The following FDXR variants were observed in gnomAD, a reference collection of about 807,000 sequenced individuals.
The protein encoded by FDXR is ferredoxin reductase, also known as NADPH:adrenodoxin oxidoreductase, mitochondrial.
Under a neutral mutation model 58.3 loss-of-function variants are expected in FDXR, and 38 were observed. That is an observed-to-expected ratio of 0.65 (90% CI 0.50 to 0.85). The LOEUF (loss-of-function observed/expected upper bound fraction) is 0.85, where lower values mean the gene tolerates loss of function less well. Among genes scored for constraint, FDXR ranks in the 40% least tolerant of loss-of-function variants. The pLI is 0.00. For missense variants in FDXR, 624 were observed against 671.0 expected, an observed-to-expected ratio of 0.93 and a Z score of 0.77; for synonymous variants, 275 against 273.8, an observed-to-expected ratio of 1.00 and a Z score of -0.04.
In FDXR at chr17:74,864,935, G is replaced by C. The variant is rs35102176; in HGVS notation, c.610-4C>G. 2.5e-3 allele frequency: 4,019 copies of C among 1,614,090 alleles called. 87 individuals are homozygous for C. The African/African-American group carries it at 0.045, about 18-fold the overall frequency. On this transcript the variant is annotated splice_polypyrimidine_tract_variant and splice_region_variant and intron_variant, in intron 6 of 11. Coordinates refer to ENST00000293195, the MANE Select transcript of FDXR (RefSeq NM_024417.5). ...CTGCCTTCGTGATGTCCGTTCTCTG[G>C]CACAAAAGGAGGGCCTTGGAGTCAT...
At chr17:74,870,338 G>A (rs960184452) in intron 2 of FDXR, among the ~76,000 whole-genome samples, 4 of 152,068 alleles carry the variant, frequency 2.6e-5, no homozygotes, top group African/African-American at 9.7e-5. Context: ...TCAACATGGT[G>A]AAACCCTGTC....
chr17:74,867,565 C>T (rs1901456391), intron 2 of FDXR, among the ~76,000 whole-genome samples: 1 of 152,032 alleles, frequency 6.6e-6, no homozygotes, highest in African/African-American at 2.4e-5. Flanking sequence ...GTGCCCAGGA[C>T]CATGCTCTGG....
At position 74,872,716 on chromosome 17, in the gene FDXR, C is replaced by A. The variant is rs576122846; in HGVS notation, c.79+150G>T. ...CATCTCACGCACAGATCTCCGCCCA[C>A]CCCCGTACACCACCGGGATCTCGCC... On this transcript the variant is annotated intron_variant, in intron 1 of 11. Transcript: ENST00000293195. The A allele has an allele frequency of 8.0e-6, 12 of 1,493,958 alleles. No homozygotes were observed. The African/African-American group carries it at 1.4e-4, about 17-fold the overall frequency. The allele number at this position is 1,493,958 out of a possible 1,614,324, so 92.5% of individuals were successfully genotyped here.
intron 8 of FDXR, 49 bp downstream of exon 8, chr17:74,864,431 T>C (rs1450095397): frequency 1.2e-6 from 2 of 1,607,724 alleles, no homozygotes; most frequent in Admixed American, 1.7e-5. Context: ...CTCTCTGACC[T>C]AGGCCACCCT....
chr17:74,863,751 G>T, intron 10 of FDXR, 145 bp downstream of exon 10: 1 of 988,226 alleles, frequency 1.0e-6, no homozygotes, highest in Non-Finnish European at 1.5e-6. Flanking sequence ...GCCAAGAGGA[G>T]GGCGGCACTG....
intron 2 of FDXR, chr17:74,868,290 T>C: frequency 5.1e-6 from 3 of 587,316 alleles, no homozygotes; most frequent in Non-Finnish European, 9.1e-6. Context: ...GCTCTAGCAC[T>C]AGCTGGCTCT....
chr17:74,866,295 A>T, intron 4 of FDXR, 51 bp from the exon 5 acceptor site: 2 of 1,582,512 alleles, frequency 1.3e-6, no homozygotes, highest in Middle Eastern at 3.4e-4. Flanking sequence ...ACCAGCACTG[A>T]TAGGCCGGGC....
intron 2 of FDXR, among the ~76,000 whole-genome samples, chr17:74,871,648 G>A (rs1211730832): frequency 1.3e-5 from 2 of 152,224 alleles, no homozygotes; most frequent in Non-Finnish European, 2.9e-5. Flanking sequence ...TAAAGTTACA[G>A]AAAGCGGAGG....
chr17:74,872,814 C>T, intron 1 of FDXR, 52 bp downstream of exon 1: 3 of 1,541,840 alleles, frequency 1.9e-6, no homozygotes, highest in African/African-American at 1.4e-5. Flanking sequence ...CTACTCAGCG[C>T]TCGCAGGCCT....
In FDXR at chr17:74,866,067, G is replaced by A. The variant is rs2038168697; in HGVS notation, c.507+64C>T. 1.4e-5 allele frequency: 18 copies of A among 1,266,306 alleles called. No homozygotes were observed. In the South Asian group the frequency reaches 2.1e-4, roughly 15 times the overall value. 78.4% of individuals were successfully genotyped at this position (1,266,306 alleles called of 1,614,324 possible). A position where few individuals can be genotyped will look rare whatever the true frequency, so the allele number is the denominator to read the frequency against. ...TGGATGGCAGCTCCCTCTTCCCCCA[G>A]GTCTGGCATCCAAGGGCTGAGGGGC... On this transcript the variant is annotated intron_variant, in intron 5 of 11. Coordinates refer to ENST00000293195, the MANE Select transcript of FDXR (RefSeq NM_024417.5).
chr17:74,863,043 C>G (rs368719579), intron 11 of FDXR, 33 bp downstream of exon 11: 1 of 1,603,922 alleles, frequency 6.2e-7, no homozygotes, highest in Admixed American at 1.7e-5. Flanking sequence ...CCACCCACCC[C>G]ACCTCCCAGG....
chr17:74,864,572 G>A lies in FDXR; in HGVS notation c.718-8C>T, dbSNP rs2038101123. On this transcript the variant is annotated splice_region_variant and splice_polypyrimidine_tract_variant and intron_variant, in intron 7 of 11. Transcript: ENST00000293195. The stretch of plus-strand genomic sequence containing the variant: ...AATCATCTCCCGAAGCTCCTTGAAG[G>A]TGGGAGCAGGGAATGGGGGAGGAGG... 1.9e-6 allele frequency: 3 copies of A among 1,612,860 alleles called. No individual in the cohort carries two copies. The highest frequency in any genetic ancestry group is 1.3e-5 in the African/African-American group (1 of 74,896).
At chr17:74,864,628 A>G (rs913084954) in intron 7 of FDXR, 64 bp from the exon 8 acceptor site, 58 of 1,510,578 alleles carry the variant, frequency 3.8e-5, no homozygotes, top group Admixed American at 8.9e-5. Context: ...ACCTGAGCCC[A>G]CCCCAGGGTC....
chr17:74,871,638 T>G (rs1598540932), intron 2 of FDXR, among the ~76,000 whole-genome samples: 1 of 151,870 alleles, frequency 6.6e-6, no homozygotes. Context: ...GCAAGGCAGG[T>G]AAAGTTACAG....
Position 74,872,960 on chromosome 17 carries a change from CCTGCAAGTGGAT to C in FDXR, c.-28_-17del. On this transcript the variant is annotated 5_prime_UTR_variant, in exon 1 of 12. Transcript: ENST00000293195. Reference sequence around the variant, plus strand: ...GCGAAGCCATGGCTGGGAGCAGCAACCTGCAAGTGGATCTGTTCCTAGCTACTGCTCCGCAGG... The same window carrying C: ...GCGAAGCCATGGCTGGGAGCAGCAACCTGTTCCTAGCTACTGCTCCGCAGG... 6.5e-7 allele frequency: 1 copy of C among 1,549,734 alleles called. No individual in the cohort carries two copies. Among genetic ancestry groups the C allele is most frequent in the Non-Finnish European group, 8.7e-7 (1 of 1,147,004 alleles).
chr17:74,868,756 G>A, intron 2 of FDXR: 3 of 1,483,448 alleles, frequency 2.0e-6, no homozygotes, highest in Non-Finnish European at 2.7e-6. Flanking sequence ...CATTCTCTGA[G>A]GTTCTTCCGA....
At position 74,863,841 on chromosome 17, in the gene FDXR, C is replaced by T. The variant is rs931521366; in HGVS notation, c.1174+55G>A. 7.7e-6 allele frequency: 12 copies of T among 1,568,396 alleles called. No individual in the cohort carries two copies. In the African/African-American group the frequency reaches 1.6e-4, roughly 21 times the overall value. On this transcript the variant is annotated intron_variant, in intron 10 of 11. Transcript: ENST00000293195. ...ATGAACGCATGGCCCCAGGAGATAC[C>T]AGCTTCTCGGCCTCTCACCATAATT...
intron 2 of FDXR, among the ~76,000 whole-genome samples, chr17:74,867,667 C>T (rs1472127302): frequency 6.6e-6 from 1 of 152,176 alleles, no homozygotes; most frequent in Non-Finnish European, 1.5e-5. Flanking sequence ...CTTAGAAAGA[C>T]AGTCTCAGGC....
In FDXR at chr17:74,862,689, A is replaced by T; in HGVS notation, c.*128T>A. ...CAGGAGGGAGGAGAGACGCTGGAAG[A>T]GCAGCCAAGCCTCCAAGCCAGGGCC... On this transcript the variant is annotated 3_prime_UTR_variant, in exon 12 of 12. Coordinates refer to ENST00000293195, the MANE Select transcript of FDXR (RefSeq NM_024417.5). 7.8e-7 allele frequency: 1 copy of T among 1,288,108 alleles called. No homozygotes were observed. The highest frequency in any genetic ancestry group is 1.5e-5 in the South Asian group (1 of 66,258). 79.8% of individuals were successfully genotyped at this position (1,288,108 alleles called of 1,614,324 possible).
Sources: allele counts gnomAD v4.1 joint callset (sites outside exome capture counted in the v4.1 genomes callset), GRCh38; gene constraint gnomAD v4.1.1; transcripts MANE v1.5; gene names NCBI Gene and HGNC (gene_info 2026-07-23, HGNC 2026-07-21).